The following TMEM17 variants were observed in gnomAD, a reference collection of about 807,000 sequenced individuals.
TMEM17 encodes transmembrane protein 17.
In TMEM17, 15 loss-of-function variants were observed where a neutral mutation model predicts 19.1. That is an observed-to-expected ratio of 0.78 (90% CI 0.52 to 1.21). The LOEUF (loss-of-function observed/expected upper bound fraction) is 1.21. Among genes scored for constraint, TMEM17 ranks in the 50% most tolerant of loss-of-function variants. The pLI, the probability that TMEM17 is intolerant of heterozygous loss-of-function variation, is 0.00. For synonymous variants in TMEM17, 103 were observed against 86.9 expected (o/e 1.19, Z -1.03); for missense variants, 245 against 242.3 (o/e 1.01, Z -0.07).
chr2:62,492,523 A>T, the TMEM17 span, among the ~76,000 whole-genome samples: 1 of 152,266 alleles, frequency 6.6e-6, no homozygotes, highest in African/African-American at 2.4e-5. Flanking sequence ...TGCCACAAAG[A>T]TTCAAATATG....
At chr2:62,505,909 C>G (rs1680057650) in intron 1 of TMEM17, 121 bp downstream of exon 1, 1 of 1,001,336 alleles carries the variant, frequency 1.0e-6, no homozygotes, top group Non-Finnish European at 1.5e-6. Context: ...CTCTCCCGCA[C>G]TGCGGAGAAC....
chr2:62,468,878 G>A, the TMEM17 span, among the ~76,000 whole-genome samples: 1 of 152,200 alleles, frequency 6.6e-6, no homozygotes, highest in Non-Finnish European at 1.5e-5. Context: ...GTTTGACAGA[G>A]CCAAGTGTTG....
intron 1 of TMEM17, 31 bp downstream of exon 1, chr2:62,505,999 A>T (rs1680061018): frequency 6.3e-7 from 1 of 1,576,190 alleles, no homozygotes; most frequent in African/African-American, 1.4e-5. Context: ...TCGGCAGGCC[A>T]CACCCCCTGC....
chr2:62,456,962 G>GC, the TMEM17 span, among the ~76,000 whole-genome samples: 2 of 152,242 alleles, frequency 1.3e-5, no homozygotes, highest in Non-Finnish European at 2.9e-5. Flanking sequence ...CCTTCTCCCA[G>GC]CTCCCCTCCA....
chr2:62,494,696 T>C, the TMEM17 span, among the ~76,000 whole-genome samples: 12 of 152,194 alleles, frequency 7.9e-5, no homozygotes, highest in Admixed American at 1.3e-4. Context: ...CTTGGTTGAT[T>C]ATTGTTTTTA....
chr2:62,473,985 C>A, the TMEM17 span, among the ~76,000 whole-genome samples: 1 of 152,086 alleles, frequency 6.6e-6, no homozygotes, highest in Non-Finnish European at 1.5e-5. Flanking sequence ...TGCACAGCCA[C>A]AGGACCATCC....
the TMEM17 span, chr2:62,463,153 C>T: frequency 1.3e-5 from 2 of 152,312 alleles, no homozygotes; most frequent in Non-Finnish European, 2.9e-5. Flanking sequence ...CCTCCAGAAA[C>T]TGTGTGTCTG....
chr2:62,453,673 C>T, the TMEM17 span, among the ~76,000 whole-genome samples: 131 of 152,278 alleles, frequency 8.6e-4, no homozygotes, highest in African/African-American at 3.1e-3. Flanking sequence ...TTAAAATCTA[C>T]CAGCAATGTT....
the TMEM17 span, among the ~76,000 whole-genome samples, chr2:62,484,376 C>T: frequency 2.0e-5 from 3 of 152,224 alleles, no homozygotes; most frequent in South Asian, 2.1e-4. Context: ...CTATGCCACA[C>T]TCTGATTGGC....
chr2:62,470,263 G>A, the TMEM17 span, among the ~76,000 whole-genome samples: 1 of 152,094 alleles, frequency 6.6e-6, no homozygotes, highest in African/African-American at 2.4e-5. Flanking sequence ...AGGTCCTAAA[G>A]TTCCTCTTCC....
chr2:62,463,345 T>G, the TMEM17 span: 1 of 152,214 alleles, frequency 6.6e-6, no homozygotes, highest in Non-Finnish European at 1.5e-5. Context: ...AGCTGTAGTA[T>G]CTTGTCTATA....
At chr2:62,471,791 T>C in the TMEM17 span, among the ~76,000 whole-genome samples, 1 of 152,356 alleles carries the variant, frequency 6.6e-6, no homozygotes, top group South Asian at 2.1e-4. Flanking sequence ...GGATAATGGC[T>C]GTGGGCTGGT....
the TMEM17 span, among the ~76,000 whole-genome samples, chr2:62,485,464 A>T: frequency 6.6e-6 from 1 of 152,196 alleles, no homozygotes; most frequent in Non-Finnish European, 1.5e-5. Context: ...TAAAACTTCA[A>T]CAAAAATATT....
At chr2:62,504,911 C>T (rs1401523548) in intron 1 of TMEM17, among the ~76,000 whole-genome samples, 2 of 152,176 alleles carry the variant, frequency 1.3e-5, no homozygotes, top group African/African-American at 4.8e-5. Context: ...ATATGGCCTA[C>T]AAAGTCTAAA....
downstream of TMEM17, among the ~76,000 whole-genome samples, chr2:62,498,911 C>T (rs567121366): frequency 2.0e-5 from 3 of 151,920 alleles, no homozygotes; most frequent in African/African-American, 7.2e-5. Flanking sequence ...ACTGCCTAAC[C>T]CCCAAATGTG....
chr2:62,506,029 C>T lies in TMEM17; in HGVS notation c.100+1G>A. 1 of 1,608,876 alleles carries T rather than the reference C, an allele frequency of 6.2e-7. No individual in the cohort carries two copies. The highest frequency in any genetic ancestry group is 8.5e-7 in the Non-Finnish European group (1 of 1,177,754). ...CCCTGCACCGGGCCTCGGTCACTCA[C>T]CCGGACCCTCATTGGACTCTGGACC... On this transcript the variant is annotated splice_donor_variant, in intron 1 of 3. Coordinates refer to ENST00000335390, the MANE Select transcript of TMEM17 (RefSeq NM_198276.3). LOFTEE classifies it high-confidence loss of function.
the TMEM17 span, among the ~76,000 whole-genome samples, chr2:62,453,554 G>T: frequency 1.3e-5 from 2 of 151,912 alleles, no homozygotes. Flanking sequence ...TCCTGTTTTG[G>T]CCACTGTCTA....
chr2:62,489,966 G>C, the TMEM17 span, among the ~76,000 whole-genome samples: 16 of 152,224 alleles, frequency 1.1e-4, no homozygotes, highest in East Asian at 3.1e-3. Context: ...CTTGAGGTTA[G>C]AAGTTCAAGA....
At chr2:62,492,020 A>C in the TMEM17 span, among the ~76,000 whole-genome samples, 1 of 152,180 alleles carries the variant, frequency 6.6e-6, no homozygotes, top group South Asian at 2.1e-4. Flanking sequence ...ATTTTTAAAA[A>C]ACAATGAGAG....
Sources: gnomAD v4.1 joint callset for allele counts (sites outside exome capture counted in the v4.1 genomes callset) on GRCh38, gnomAD v4.1.1 for gene constraint, MANE v1.5 for transcripts, NCBI Gene and HGNC (gene_info 2026-07-23, HGNC 2026-07-21) for gene names.